Variants in XRCC6 observed in about 807,000 individuals in gnomAD.
XRCC6 encodes X-ray repair cross complementing 6.
Under a neutral mutation model 65.7 loss-of-function variants are expected in XRCC6, and 5 were observed. That is an observed-to-expected ratio of 0.08 (90% CI 0.04 to 0.16). The LOEUF (loss-of-function observed/expected upper bound fraction) is 0.16. XRCC6 is among the 10% of genes least tolerant of loss of function. XRCC6 has a pLI of 1.00. For missense variants in XRCC6, 447 were observed against 738.1 expected, an observed-to-expected ratio of 0.61 and a Z score of 4.57; for synonymous variants, 270 against 270.6, an observed-to-expected ratio of 1.00 and a Z score of 0.02.
intron 2 of XRCC6, among the ~76,000 whole-genome samples, chr22:41,624,902 C>T (rs1216064013): frequency 6.6e-6 from 1 of 151,414 alleles, no homozygotes; most frequent in Non-Finnish European, 1.5e-5. Context: ...GAGGCTGAGG[C>T]AGGAGAATGG....
intron 6 of XRCC6, among the ~76,000 whole-genome samples, chr22:41,639,408 A>C (rs943081676): frequency 2.2e-5 from 3 of 135,054 alleles, no homozygotes; most frequent in Non-Finnish European, 4.5e-5. Flanking sequence ...ATCACAGCTC[A>C]CCTTAGCCTC....
intron 8 of XRCC6, among the ~76,000 whole-genome samples, chr22:41,651,204 A>G (rs2067991223): frequency 6.6e-6 from 1 of 152,034 alleles, no homozygotes; most frequent in African/African-American, 2.4e-5. Context: ...AGGCTGACGC[A>G]TGAAAATCGC....
chr22:41,659,152 C>T (rs774262592), intron 11 of XRCC6, among the ~76,000 whole-genome samples: 87 of 152,058 alleles, frequency 5.7e-4, no homozygotes, highest in Non-Finnish European at 1.2e-3. Flanking sequence ...CCCGGCTGGT[C>T]TCAGAATGAT....
intron 9 of XRCC6, among the ~76,000 whole-genome samples, chr22:41,655,472 C>G (rs2068036448): frequency 6.6e-6 from 1 of 151,408 alleles, no homozygotes; most frequent in Admixed American, 6.6e-5. Context: ...CTTTGGGATG[C>G]CAAGGTGGCG....
At chr22:41,631,212 C>T (rs867603480) in intron 3 of XRCC6, among the ~76,000 whole-genome samples, 4 of 150,194 alleles carry the variant, frequency 2.7e-5, no homozygotes, top group Admixed American at 1.3e-4. Flanking sequence ...CCAGTAGGGG[C>T]GGCTGGGCAG....
chr22:41,629,968 G>A (rs1298818554), intron 3 of XRCC6, among the ~76,000 whole-genome samples: 1 of 141,840 alleles, frequency 7.1e-6, no homozygotes, highest in South Asian at 2.2e-4. Flanking sequence ...GCCCAGCCTT[G>A]TGTGTGCATT....
At chr22:41,623,799 C>T (rs1183518936) in intron 2 of XRCC6, among the ~76,000 whole-genome samples, 1 of 152,174 alleles carries the variant, frequency 6.6e-6, no homozygotes, top group African/African-American at 2.4e-5. Flanking sequence ...CGGTTCACTG[C>T]AACCTCCGCC....
At chr22:41,653,358 T>A (rs773023638) in intron 8 of XRCC6, among the ~76,000 whole-genome samples, 171 bp from the exon 9 acceptor site, 1 of 152,136 alleles carries the variant, frequency 6.6e-6, no homozygotes, top group Non-Finnish European at 1.5e-5. Context: ...GAGTTCTGAT[T>A]GCAGCACTGC....
At chr22:41,638,244 C>G (rs943542889) in intron 6 of XRCC6, among the ~76,000 whole-genome samples, 3 of 152,076 alleles carry the variant, frequency 2.0e-5, no homozygotes, top group Non-Finnish European at 2.9e-5. Context: ...CTAGTACAGT[C>G]ATGTGTTAAT....
chr22:41,639,440 C>A (rs1261084513), intron 6 of XRCC6, among the ~76,000 whole-genome samples: 2 of 145,316 alleles, frequency 1.4e-5, no homozygotes, highest in Admixed American at 7.3e-5. Context: ...CTCCAGTGAT[C>A]GCCCCATATC....
rs1416038823 is a variant in XRCC6 at position 41,661,321 on chromosome 22, G to C, written c.1523-10G>C. The C allele has an allele frequency of 6.2e-7, 1 of 1,610,618 alleles. No individual in the cohort carries two copies. The highest frequency in any genetic ancestry group is 1.3e-5 in the African/African-American group (1 of 74,750). On this transcript the variant is annotated splice_polypyrimidine_tract_variant and intron_variant, in intron 11 of 12. Coordinates refer to ENST00000360079, the MANE Select transcript of XRCC6 (RefSeq NM_001469.5). Reference sequence around the variant, plus strand: ...TCACCAGGCCACTCTTCTGTGTTTTGATTTTCTAGTGCCCAAGGTTGAAGC... The same window carrying C: ...TCACCAGGCCACTCTTCTGTGTTTTCATTTTCTAGTGCCCAAGGTTGAAGC...
chr22:41,659,638 T>G (rs1409256426), intron 11 of XRCC6, among the ~76,000 whole-genome samples: 1 of 149,838 alleles, frequency 6.7e-6, no homozygotes, highest in African/African-American at 2.5e-5. Flanking sequence ...CCATGCTCAC[T>G]ACTTTTATTT....
chr22:41,653,310 G>T (rs1001880865), intron 8 of XRCC6, among the ~76,000 whole-genome samples: 5 of 152,110 alleles, frequency 3.3e-5, no homozygotes, highest in African/African-American at 1.2e-4. Context: ...AAGCAGAAGT[G>T]GGAAGATTGC....
In XRCC6 at chr22:41,658,361, G is replaced by T. The variant is rs72547483; in HGVS notation, c.1522+9G>T. 6.2e-7 allele frequency: 1 copy of T among 1,613,048 alleles called. No homozygotes were observed. Among genetic ancestry groups the T allele is most frequent in the African/African-American group, 1.3e-5 (1 of 74,870 alleles). On this transcript the variant is annotated intron_variant, in intron 11 of 12. Transcript: ENST00000360079. ...AGCAGTGGACCTGACATGTAAGGAGGTTGAATAGAGTAGTTCTTTTCATGG... is the reference window on the plus strand; with the variant it reads ...AGCAGTGGACCTGACATGTAAGGAGTTTGAATAGAGTAGTTCTTTTCATGG...
chr22:41,626,749 T>C (rs1440777071), intron 2 of XRCC6, among the ~76,000 whole-genome samples: 2 of 150,590 alleles, frequency 1.3e-5, no homozygotes, highest in African/African-American at 4.9e-5. Context: ...GCCATTCCCC[T>C]GCCTCAGCCT....
At position 41,636,498 on chromosome 22, in the gene XRCC6, C is replaced by T. The variant is rs2067811187; in HGVS notation, c.335-18C>T. On this transcript the variant is annotated intron_variant, in intron 4 of 12. Transcript: ENST00000360079. ...TCTTCTGATTTTTCTTTCCATTTGACTCCCTGCCTCTGATCAGGTGCAAAA... is the reference window on the plus strand; with the variant it reads ...TCTTCTGATTTTTCTTTCCATTTGATTCCCTGCCTCTGATCAGGTGCAAAA... 1.9e-6 allele frequency: 3 copies of T among 1,610,352 alleles called. No individual in the cohort carries two copies. Among genetic ancestry groups the T allele is most frequent in the Non-Finnish European group, 1.7e-6 (2 of 1,177,936 alleles).
chr22:41,636,777 A>G lies in XRCC6; in HGVS notation c.589+7A>G. Reference sequence around the variant, plus strand: ...GGTGATCTCCGAGATACAGGTGGGCATATTTCCCCGTTCTCTTAAATTGGC... The same window carrying G: ...GGTGATCTCCGAGATACAGGTGGGCGTATTTCCCCGTTCTCTTAAATTGGC... On this transcript the variant is annotated splice_region_variant and intron_variant, in intron 5 of 12. Transcript: ENST00000360079. The G allele has an allele frequency of 6.2e-7, 1 of 1,611,470 alleles. No homozygotes were observed. The highest frequency in any genetic ancestry group is 8.5e-7 in the Non-Finnish European group (1 of 1,179,172).
intron 2 of XRCC6, among the ~76,000 whole-genome samples, chr22:41,627,746 C>T (rs2067694415): frequency 1.3e-5 from 2 of 152,024 alleles, no homozygotes; most frequent in Admixed American, 6.6e-5. Context: ...TGGTGGCACA[C>T]ACCTGTAGTC....
chr22:41,652,858 G>A (rs908193525), intron 8 of XRCC6, among the ~76,000 whole-genome samples: 2 of 151,948 alleles, frequency 1.3e-5, no homozygotes, highest in Admixed American at 1.3e-4. Flanking sequence ...ATTTTTAGTA[G>A]AGATGGGGTT....
Sources: gnomAD v4.1 joint callset for allele counts (sites outside exome capture counted in the v4.1 genomes callset) on GRCh38, gnomAD v4.1.1 for gene constraint, MANE v1.5 for transcripts, NCBI Gene and HGNC (gene_info 2026-07-23, HGNC 2026-07-21) for gene names.